Variants in GBP6 observed in about 807,000 individuals in gnomAD.
GBP6 encodes the protein guanylate-binding protein 6.
GBP6 carries 54 observed loss-of-function variants against 61.5 expected under a neutral mutation model. The observed-to-expected ratio is 0.88, with a 90% CI of 0.71 to 1.10. The LOEUF is 1.10. GBP6 is among the 50% of genes least tolerant of loss of function. GBP6 has a pLI of 0.00. For missense variants in GBP6, 748 were observed against 752.8 expected (o/e 0.99, Z 0.07); for synonymous variants, 255 against 273.7 (o/e 0.93, Z 0.67).
chr1:89,373,503 A>T (rs1652705241), intron 3 of GBP6, among the ~76,000 whole-genome samples: 1 of 152,220 alleles, frequency 6.6e-6, no homozygotes, highest in African/African-American at 2.4e-5. Context: ...TGATGAGTTC[A>T]TGTCCTTTGT....
Position 89,368,710 on chromosome 1 carries a change from C to T in GBP6, c.159C>T (p.Tyr53=), listed in dbSNP as rs1217934091. Residue 53 remains tyrosine, a synonymous_variant, in exon 2 of 11, where the codon TAC becomes TAT. Transcript: ENST00000370456. The part of the protein sequence containing the change: ...IVGLYRTGKS[Y]LMNHLAGQNH... The stretch of plus-strand genomic sequence containing the variant: ...GACTGTACCGTACAGGGAAATCCTA[C>T]TTGATGAACCATCTGGCAGGACAGA... 5 of 1,613,482 alleles carry T rather than the reference C, an allele frequency of 3.1e-6. No individual in the cohort carries two copies. The highest frequency in any genetic ancestry group is 4.2e-6 in the Non-Finnish European group (5 of 1,179,552).
At chr1:89,380,702 A>C (rs1652953923) in intron 6 of GBP6, 71 bp downstream of exon 6, 1 of 1,470,462 alleles carries the variant, frequency 6.8e-7, no homozygotes, top group African/African-American at 1.4e-5. Flanking sequence ...GTTTCTCAGA[A>C]TTTTTGTTAG....
chr1:89,374,308 A>G (rs1278237715), intron 3 of GBP6, among the ~76,000 whole-genome samples: 1 of 152,152 alleles, frequency 6.6e-6, no homozygotes, highest in Non-Finnish European at 1.5e-5. Flanking sequence ...TAGTTTCCAT[A>G]TCTTGGCTAT....
chr1:89,385,515 G>T lies in GBP6; in HGVS notation c.*46G>T. The T allele has an allele frequency of 2.6e-5, 38 of 1,470,102 alleles. No individual in the cohort carries two copies. Among genetic ancestry groups the T allele is most frequent in the South Asian group, 1.1e-4 (8 of 75,154 alleles). 91.1% of individuals were successfully genotyped at this position (1,470,102 alleles called of 1,614,324 possible). ...ATATGCTTTGGACTATTTTTGATCT[G>T]TATGTTTTTCATTTTCATTCAGCAA... On this transcript the variant is annotated 3_prime_UTR_variant, in exon 11 of 11. Coordinates refer to ENST00000370456, the MANE Select transcript of GBP6 (RefSeq NM_198460.3).
In GBP6 at chr1:89,378,526, G is replaced by C; in HGVS notation, c.538G>C (p.Val180Leu). The C allele has an allele frequency of 6.2e-7, 1 of 1,614,094 alleles. No individual in the cohort carries two copies. ...VSFFPDFLWT[V>L]RDFTLELKLN... ...TTTCTTCCCAGACTTTCTTTGGACA[G>C]TACGGGATTTCACTCTGGAGCTGAA... is the stretch of plus-strand genomic sequence containing the variant. Residue 180 changes from valine to leucine, a missense_variant, in exon 5 of 11, where the codon GTA becomes CTA. Coordinates refer to ENST00000370456, the MANE Select transcript of GBP6 (RefSeq NM_198460.3).
chr1:89,382,116 C>G, intron 7 of GBP6, 142 bp downstream of exon 7: 1 of 840,968 alleles, frequency 1.2e-6, no homozygotes, highest in Non-Finnish European at 1.8e-6. Flanking sequence ...TTTCAAAAGA[C>G]TACATATAAG....
At chr1:89,371,919 C>T (rs1652655495) in intron 3 of GBP6, among the ~76,000 whole-genome samples, 1 of 152,304 alleles carries the variant, frequency 6.6e-6, no homozygotes, top group Non-Finnish European at 1.5e-5. Context: ...AAAACCACAT[C>T]ATCTCAGCCC....
intron 1 of GBP6, among the ~76,000 whole-genome samples, chr1:89,366,145 A>G (rs534744066): frequency 6.6e-6 from 1 of 152,316 alleles, no homozygotes; most frequent in East Asian, 1.9e-4. Flanking sequence ...TTATCTCTCA[A>G]AAAGAAATCT....
chr1:89,367,529 T>C (rs1283912803), intron 1 of GBP6, among the ~76,000 whole-genome samples: 1 of 152,208 alleles, frequency 6.6e-6, no homozygotes, highest in Non-Finnish European at 1.5e-5. Context: ...TTGTTGCTAT[T>C]GAGTTTTAGG....
chr1:89,376,434 T>C (rs1456395628), intron 3 of GBP6, among the ~76,000 whole-genome samples: 1 of 152,204 alleles, frequency 6.6e-6, no homozygotes, highest in Non-Finnish European at 1.5e-5. Context: ...TACATGTGGA[T>C]ATCTGTTTTC....
rs776685842 is a variant in GBP6, at chr1:89,384,249, T to C, written c.1625T>C (p.Leu542Pro). The C allele has an allele frequency of 6.2e-7, 1 of 1,613,816 alleles. No homozygotes were observed. The highest frequency in any genetic ancestry group is 2.2e-5 in the East Asian group (1 of 44,858). ...CTGCAGATGGAGAGAGAACACCTAC[T>C]GAGAGAGCAGATTATGATGTTGGAG... ...EKLQMEREHL[L>P]REQIMMLEHT... Residue 542 changes from leucine (L) to proline (P), a missense_variant, in exon 10 of 11, where the codon CTG (leucine) becomes CCG (proline). Leu to Pro is a moderately conservative substitution (Grantham distance 98, BLOSUM62 -3). Coordinates refer to ENST00000370456, the MANE Select transcript of GBP6 (RefSeq NM_198460.3).
Position 89,385,494 on chromosome 1 carries a change from G to A in GBP6, c.*25G>A. On this transcript the variant is annotated 3_prime_UTR_variant, in exon 11 of 11. Transcript: ENST00000370456. ...AGGATATTATAGATTGTACATATAT[G>A]CTTTGGACTATTTTTGATCTGTATG... 6.3e-7 allele frequency: 1 copy of A among 1,584,536 alleles called. No individual in the cohort carries two copies. Among genetic ancestry groups the A allele is most frequent in the Non-Finnish European group, 8.6e-7 (1 of 1,166,918 alleles).
At position 89,385,483 on chromosome 1, in the gene GBP6, T is replaced by G. The variant is rs1366276173; in HGVS notation, c.*14T>G. ...CTCCCCTTTTAAGGATATTATAGAT[T>G]GTACATATATGCTTTGGACTATTTT... On this transcript the variant is annotated 3_prime_UTR_variant, in exon 11 of 11. Transcript: ENST00000370456. 1.2e-6 allele frequency: 2 copies of G among 1,608,824 alleles called. No individual in the cohort carries two copies. The highest frequency in any genetic ancestry group is 2.2e-5 in the South Asian group (2 of 90,272).
intron 3 of GBP6, among the ~76,000 whole-genome samples, chr1:89,371,657 C>T (rs1158618226): frequency 6.6e-6 from 1 of 152,128 alleles, no homozygotes; most frequent in Non-Finnish European, 1.5e-5. Context: ...ATTGATGGGA[C>T]GTATTTCAAA....
rs1188367310 is a variant in GBP6 at position 89,387,670 on chromosome 1, C to T, written c.*2201C>T. Among the ~76,000 whole-genome samples the T allele has an allele frequency of 3.3e-5, 5 of 152,324 alleles. No individual in the cohort carries two copies. Among genetic ancestry groups the T allele is most frequent in the African/African-American group, 4.8e-5 (2 of 41,570 alleles). ...CTATGAGGCCAGGTGCAGTGGCTCA[C>T]GCCTATAATCTCAGCAACTTGGGAG... On this transcript the variant is annotated 3_prime_UTR_variant, in exon 11 of 11. Transcript: ENST00000370456.
intron 1 of GBP6, among the ~76,000 whole-genome samples, chr1:89,367,227 A>G: frequency 6.6e-6 from 1 of 152,238 alleles, no homozygotes; most frequent in East Asian, 1.9e-4. Flanking sequence ...CCAAGGGACC[A>G]TCATACTGTT....
rs1653009099 is a variant in GBP6, at chr1:89,382,573, C to T, written c.1153-91C>T. Reference sequence around the variant, plus strand: ...CACTAGAATGTTTTTCTCATGAGGACCACAGTTAGATTGACTCTACCACCA... The same window carrying T: ...CACTAGAATGTTTTTCTCATGAGGATCACAGTTAGATTGACTCTACCACCA... On this transcript the variant is annotated intron_variant, in intron 7 of 10. Transcript: ENST00000370456. 8 of 998,162 alleles carry T rather than the reference C, an allele frequency of 8.0e-6. No homozygotes were observed. The South Asian group carries it at 8.7e-5, about 11-fold the overall frequency. The allele number at this position is 998,162 out of a possible 1,614,324, so 61.8% of individuals were successfully genotyped here. A position where few individuals can be genotyped will look rare whatever the true frequency, so the allele number is the denominator to read the frequency against.
chr1:89,364,437 T>C (rs1294832350), intron 1 of GBP6, among the ~76,000 whole-genome samples: 1 of 152,218 alleles, frequency 6.6e-6, no homozygotes, highest in African/African-American at 2.4e-5. Flanking sequence ...AGCCCCAGAA[T>C]GCAGAGAACA....
chr1:89,377,602 A>T (rs576271113), intron 3 of GBP6, among the ~76,000 whole-genome samples: 10 of 152,300 alleles, frequency 6.6e-5, no homozygotes, highest in Middle Eastern at 3.4e-3. Flanking sequence ...AAAGTTTGTC[A>T]CAGCTTTGAA....
Sources: gnomAD v4.1 joint callset for allele counts (sites outside exome capture counted in the v4.1 genomes callset) on GRCh38, gnomAD v4.1.1 for gene constraint, MANE v1.5 for transcripts, NCBI Gene and HGNC (gene_info 2026-07-23, HGNC 2026-07-21) for gene names.